The following ZFP30 variants were observed in gnomAD, a reference collection of about 807,000 sequenced individuals.
ZFP30 encodes ZFP30 zinc finger protein.
ZFP30 carries 16 observed loss-of-function variants against 12.3 expected under a neutral mutation model. The ratio of observed to expected loss-of-function variants is 1.30; its 90% CI spans 0.88 to 1.98. The LOEUF is 1.98. ZFP30 is among the 30% of genes most tolerant of loss of function. ZFP30 has a pLI of 0.00. For synonymous variants in ZFP30, 172 were observed against 201.0 expected (o/e 0.86, Z 1.22); for missense variants, 560 against 611.2 (o/e 0.92, Z 0.88).
chr19:37,654,482 C>A (rs2044712635), intron 2 of ZFP30, among the ~76,000 whole-genome samples: 1 of 152,184 alleles, frequency 6.6e-6, no homozygotes, highest in Non-Finnish European at 1.5e-5. Flanking sequence ...ACAGCGCTCA[C>A]AGAGTAATTG....
rs769859440 is a variant in ZFP30, at chr19:37,647,833, C to T, written c.-11G>A. 1 of 1,614,124 alleles carries T rather than the reference C, an allele frequency of 6.2e-7. No homozygotes were observed. Among genetic ancestry groups the T allele is most frequent in the Non-Finnish European group, 8.5e-7 (1 of 1,180,006 alleles). On this transcript the variant is annotated 5_prime_UTR_variant, in exon 3 of 6. Coordinates refer to ENST00000684514, the MANE Select transcript of ZFP30 (RefSeq NM_001320669.3). The stretch of plus-strand genomic sequence containing the variant: ...ACTTACACGAGCCATGATTTTAGAA[C>T]TGCTAGAACTGGTCAATTTTCCTCA...
In ZFP30 at chr19:37,644,393, G is replaced by T. The variant is rs144503730; in HGVS notation, c.136+217C>A. ...TACTTAAAATACAAAAATTAGCTGG[G>T]TGTGGTGGTGTGCGCCTGTAGTCCC... is the stretch of plus-strand genomic sequence containing the variant. On this transcript the variant is annotated intron_variant, in intron 4 of 5. Coordinates refer to ENST00000684514, the MANE Select transcript of ZFP30 (RefSeq NM_001320669.3). 7.7e-4 allele frequency: 259 copies of T among 336,482 alleles called. 1 individual carries two copies. In the Middle Eastern group the frequency reaches 0.014, roughly 19 times the overall value. 20.8% of individuals were successfully genotyped at this position (336,482 alleles called of 1,614,324 possible).
intron 2 of ZFP30, among the ~76,000 whole-genome samples, chr19:37,650,778 A>G (rs1255228455): frequency 6.8e-6 from 1 of 147,626 alleles, no homozygotes; most frequent in African/African-American, 2.5e-5. Context: ...TCTGTCACCC[A>G]GGCTGGAGTG....
At chr19:37,637,481 G>A (rs967324028) in intron 5 of ZFP30, among the ~76,000 whole-genome samples, 3 of 151,536 alleles carry the variant, frequency 2.0e-5, no homozygotes, top group Admixed American at 1.3e-4. Context: ...CAGCCACCGC[G>A]CCCAGCCTAC....
At chr19:37,636,603 T>C (rs2044332927) in intron 5 of ZFP30, among the ~76,000 whole-genome samples, 2 of 152,166 alleles carry the variant, frequency 1.3e-5, no homozygotes, top group South Asian at 2.1e-4. Flanking sequence ...AGGAGTAACA[T>C]GGACTCTGTC....
chr19:37,644,722 G>A lies in ZFP30; in HGVS notation c.24C>T (p.Phe8=). Residue 8 remains phenylalanine (F), a synonymous_variant, in exon 4 of 6, where the codon TTC becomes TTT. Coordinates refer to ENST00000684514, the MANE Select transcript of ZFP30 (RefSeq NM_001320669.3). ...GAGAAAAGTCTACAGCCACATCTCT[G>A]AACATCACCAAATCCTGAAATGATA... MARDLVM[F]RDVAVDFSQE... 6.2e-7 allele frequency: 1 copy of A among 1,610,308 alleles called. No homozygotes were observed.
intron 5 of ZFP30, 143 bp downstream of exon 5, chr19:37,643,122 A>T: frequency 3.8e-6 from 2 of 522,776 alleles, no homozygotes; most frequent in East Asian, 3.6e-5. Flanking sequence ...AATGTCTTTG[A>T]TGGCTCATGC....
intron 5 of ZFP30, among the ~76,000 whole-genome samples, chr19:37,641,745 C>A (rs1299928127): frequency 6.6e-6 from 1 of 152,198 alleles, no homozygotes; most frequent in South Asian, 2.1e-4. Flanking sequence ...TTTTAAACAA[C>A]CTAAAAAGAA....
intron 5 of ZFP30, among the ~76,000 whole-genome samples, chr19:37,642,003 CT>C (rs2044445190): frequency 6.6e-6 from 1 of 152,178 alleles, no homozygotes; most frequent in African/African-American, 2.4e-5. Context: ...GACTTAGGAC[CT>C]TTTGTTGGCA....
At chr19:37,643,056 A>AG (rs1760941551) in intron 5 of ZFP30, among the ~76,000 whole-genome samples, 1 of 150,644 alleles carries the variant, frequency 6.6e-6, no homozygotes, top group Non-Finnish European at 1.5e-5. Flanking sequence ...CCGTCTCAAA[A>AG]AAAAAAAAAA....
chr19:37,649,482 A>G (rs913510824), intron 2 of ZFP30, among the ~76,000 whole-genome samples: 1 of 152,196 alleles, frequency 6.6e-6, no homozygotes, highest in Non-Finnish European at 1.5e-5. Flanking sequence ...AAAGCTGGAA[A>G]GAACCTAAAT....
chr19:37,652,525 G>A (rs897012901), intron 2 of ZFP30, among the ~76,000 whole-genome samples: 2 of 151,944 alleles, frequency 1.3e-5, no homozygotes, highest in East Asian at 1.9e-4. Flanking sequence ...CCAAGATCGC[G>A]CCACTGCACT....
intron 2 of ZFP30, among the ~76,000 whole-genome samples, chr19:37,649,246 TA>T (rs5827988): frequency 0.72 from 93,387 of 129,934 alleles, 33,884 homozygotes; most frequent in Non-Finnish European, 0.81. Context: ...CCCTGTCTCT[TA>T]AAAAAAAAAA....
At chr19:37,644,829 A>G (rs999755264) in intron 3 of ZFP30, 93 bp from the exon 4 acceptor site, 2 of 1,305,722 alleles carry the variant, frequency 1.5e-6, no homozygotes, top group African/African-American at 3.0e-5. Context: ...CAATGCTTAT[A>G]ATTCTAGCTT....
intron 5 of ZFP30, among the ~76,000 whole-genome samples, chr19:37,639,418 G>C (rs11666738): frequency 0.2 from 29,832 of 152,038 alleles, 3,024 homozygotes; most frequent in Middle Eastern, 0.31. Flanking sequence ...AAGTGAGAAC[G>C]TGTTACTGTT....
Position 37,634,576 on chromosome 19 carries a change from T to C in ZFP30, c.*405A>G, listed in dbSNP as rs1457869058. On this transcript the variant is annotated 3_prime_UTR_variant, in exon 6 of 6. Coordinates refer to ENST00000684514, the MANE Select transcript of ZFP30 (RefSeq NM_001320669.3). ...TCTAATAAAGAAGAACTTTACCTCC[T>C]TAACTTCTGGTTGCCCTGAAATACA... The C allele has an allele frequency of 1.2e-5, 2 of 160,482 alleles. No homozygotes were observed. The highest frequency in any genetic ancestry group is 4.8e-5 in the African/African-American group (2 of 41,954). The allele number at this position is 160,482 out of a possible 1,614,324, so 9.9% of individuals were successfully genotyped here. A position where few individuals can be genotyped will look rare whatever the true frequency, so the allele number is the denominator to read the frequency against.
intron 2 of ZFP30, among the ~76,000 whole-genome samples, chr19:37,649,314 A>G (rs1330618786): frequency 6.6e-6 from 1 of 151,990 alleles, no homozygotes; most frequent in African/African-American, 2.4e-5. Flanking sequence ...GTCAAAATCT[A>G]CTCGTAACTA....
Position 37,634,899 on chromosome 19 carries a change from T to A in ZFP30, c.*82A>T. On this transcript the variant is annotated 3_prime_UTR_variant, in exon 6 of 6. Transcript: ENST00000684514. ...AGTTGTGAGCATGAAGCAAAAGGGA[T>A]TCCCACGTTCAAAAACCTTTCCTCT... is the stretch of plus-strand genomic sequence containing the variant. 1 of 1,397,068 alleles carries A rather than the reference T, an allele frequency of 7.2e-7. No homozygotes were observed. The highest frequency in any genetic ancestry group is 9.4e-7 in the Non-Finnish European group (1 of 1,064,946). The allele number at this position is 1,397,068 out of a possible 1,614,324, so 86.5% of individuals were successfully genotyped here. A position where few individuals can be genotyped will look rare whatever the true frequency, so the allele number is the denominator to read the frequency against.
intron 5 of ZFP30, 93 bp from the exon 6 acceptor site, chr19:37,636,398 A>G (rs1316024989): frequency 3.2e-5 from 43 of 1,331,818 alleles, no homozygotes; most frequent in Admixed American, 3.2e-5. Context: ...CAAAAAAAAA[A>G]AAAAAGAAAA....
Sources: allele counts gnomAD v4.1 joint callset (sites outside exome capture counted in the v4.1 genomes callset), GRCh38; gene constraint gnomAD v4.1.1; transcripts MANE v1.5; gene names NCBI Gene and HGNC (gene_info 2026-07-23, HGNC 2026-07-21).